CPT1A: variants seen among roughly 807,000 people sequenced by gnomAD.
The protein encoded by CPT1A is carnitine O-palmitoyltransferase 1, liver isoform.
Under a neutral mutation model 100.8 loss-of-function variants are expected in CPT1A, and 64 were observed. The ratio of observed to expected loss-of-function variants is 0.63; its 90% CI spans 0.52 to 0.78. CPT1A has a LOEUF of 0.78. CPT1A is among the 30% of genes least tolerant of loss of function. CPT1A has a pLI of 0.00. For missense variants in CPT1A, 802 were observed against 1,034.1 expected, an observed-to-expected ratio of 0.78 and a Z score of 3.08; for synonymous variants, 363 against 396.0, an observed-to-expected ratio of 0.92 and a Z score of 0.99.
intron 1 of CPT1A, among the ~76,000 whole-genome samples, chr11:68,836,745 C>A (rs1857018821): frequency 6.6e-6 from 1 of 151,394 alleles, no homozygotes; most frequent in South Asian, 2.1e-4. Flanking sequence ...ACACTCCAGC[C>A]TGGGCAACAG....
At chr11:68,792,254 G>A (rs896096510) in intron 9 of CPT1A, among the ~76,000 whole-genome samples, 3 of 152,054 alleles carry the variant, frequency 2.0e-5, no homozygotes, top group Non-Finnish European at 4.4e-5. Flanking sequence ...GGAGAATGGC[G>A]TGAACTCGGG....
At chr11:68,779,790 T>C (rs1386587745) in intron 12 of CPT1A, among the ~76,000 whole-genome samples, 4 of 78,762 alleles carry the variant, frequency 5.1e-5, no homozygotes, top group Admixed American at 3.4e-4. Flanking sequence ...AGTAAGACCC[T>C]GTCTCAAAAA....
chr11:68,796,927 C>G lies in CPT1A; in HGVS notation c.700G>C (p.Asp234His). 6.2e-7 allele frequency: 1 copy of G among 1,613,870 alleles called. No individual in the cohort carries two copies. The highest frequency in any genetic ancestry group is 8.5e-7 in the Non-Finnish European group (1 of 1,179,904). The change falls in exon 7 of 19, where the codon GAC becomes CAC. Residue 234 changes from aspartate to histidine, a missense_variant. Asp to His is a moderately conservative substitution (Grantham distance 81). This residue lies in a region of CPT1A where 627 missense variants were observed against 799.3 expected (regional missense o/e 0.78). Transcript: ENST00000265641. ...AGGTAGATGTACTCCTCCCACCAGT[C>G]GCTCACCTAGTGGGCGCAAACACCA... ...KSWWATNYVS[D>H]WWEEYIYLRG...
At chr11:68,794,102 T>C (rs1855691482) in intron 8 of CPT1A, among the ~76,000 whole-genome samples, 1 of 152,204 alleles carries the variant, frequency 6.6e-6, no homozygotes. Flanking sequence ...AACAGATGTA[T>C]ATTCATTTAG....
At chr11:68,790,907 T>G (rs1473865517) in intron 9 of CPT1A, among the ~76,000 whole-genome samples, 1 of 152,158 alleles carries the variant, frequency 6.6e-6, no homozygotes, top group Non-Finnish European at 1.5e-5. Context: ...CACTGCAACC[T>G]CCACCTCCCA....
At chr11:68,804,756 CG>C (rs144957765) in intron 4 of CPT1A, among the ~76,000 whole-genome samples, 1 of 152,326 alleles carries the variant, frequency 6.6e-6, no homozygotes, top group African/African-American at 2.4e-5. Flanking sequence ...CCCTTAGTTT[CG>C]GGATGGGCTC....
At chr11:68,760,017 G>C (rs1196707667) in intron 17 of CPT1A, among the ~76,000 whole-genome samples, 1 of 152,074 alleles carries the variant, frequency 6.6e-6, no homozygotes, top group Non-Finnish European at 1.5e-5. Context: ...CTCCAGCCTG[G>C]GTGACAGAGC....
At chr11:68,836,481 GA>G (rs1025789900) in intron 1 of CPT1A, among the ~76,000 whole-genome samples, 2 of 150,928 alleles carry the variant, frequency 1.3e-5, no homozygotes, top group Admixed American at 6.6e-5. Context: ...TCCTGCCTCG[GA>G]AAAAAAAACT....
At chr11:68,836,296 T>C (rs1857008286) in intron 1 of CPT1A, among the ~76,000 whole-genome samples, 1 of 151,964 alleles carries the variant, frequency 6.6e-6, no homozygotes, top group Non-Finnish European at 1.5e-5. Flanking sequence ...GGCAACATAG[T>C]GAGGCCTGTC....
In CPT1A at chr11:68,807,488, A is replaced by G. The variant is rs751979703; in HGVS notation, c.432T>C (p.Ser144=). Residue 144 remains serine, a synonymous_variant, in exon 4 of 19, where the codon AGT becomes AGC. Coordinates refer to ENST00000265641, the MANE Select transcript of CPT1A (RefSeq NM_001876.4). The part of the protein sequence containing the change: ...GWMFTEHGKM[S]RATKIWMGMV... Reference sequence around the variant, plus strand: ...TTACCATCCAGATCTTGGTGGCACGACTCATCTTGCCGTGCTCAGTGAACA... The same window carrying G: ...TTACCATCCAGATCTTGGTGGCACGGCTCATCTTGCCGTGCTCAGTGAACA... The G allele has an allele frequency of 1.7e-5, 28 of 1,613,800 alleles. No homozygotes were observed. The highest frequency in any genetic ancestry group is 2.3e-5 in the Non-Finnish European group (27 of 1,179,962).
chr11:68,818,587 G>C (rs1434622300), intron 1 of CPT1A: 2 of 152,442 alleles, frequency 1.3e-5, no homozygotes, highest in Admixed American at 6.5e-5. Context: ...GGCCAGGCAC[G>C]ATGGCTCATA....
At chr11:68,816,833 TGTGTGTGGTGTGTGC>T (rs918168390) in intron 1 of CPT1A, among the ~76,000 whole-genome samples, 4 of 135,556 alleles carry the variant, frequency 3.0e-5, no homozygotes, top group South Asian at 2.5e-4. Flanking sequence ...GTGTGGTGTA[TGTGTGTGGTGTGTGC>T]GTGTGTGGTG....
At chr11:68,774,054 A>T (rs1429780486) in intron 13 of CPT1A, among the ~76,000 whole-genome samples, 1 of 152,230 alleles carries the variant, frequency 6.6e-6, no homozygotes, top group Non-Finnish European at 1.5e-5. Flanking sequence ...GGGAGAAGTA[A>T]CACAAGACCC....
At chr11:68,761,830 C>T (rs1854628408) in intron 15 of CPT1A, 143 bp from the exon 16 acceptor site, 10 of 969,644 alleles carry the variant, frequency 1.0e-5, no homozygotes, top group East Asian at 2.5e-5. Context: ...AGGGTGGTTT[C>T]GAACTCCTGA....
intron 6 of CPT1A, among the ~76,000 whole-genome samples, chr11:68,797,392 T>C (rs1423814180): frequency 1.3e-5 from 2 of 152,232 alleles, no homozygotes; most frequent in African/African-American, 4.8e-5. Flanking sequence ...AACTATGGGC[T>C]GGCCATGGTG....
At chr11:68,826,121 C>T (rs1469470593) in intron 1 of CPT1A, among the ~76,000 whole-genome samples, 4 of 152,190 alleles carry the variant, frequency 2.6e-5, no homozygotes, top group South Asian at 2.1e-4. Flanking sequence ...GTGGTCAGCA[C>T]GTTTCCTGCC....
At chr11:68,796,266 A>G (rs770808474) in intron 7 of CPT1A, among the ~76,000 whole-genome samples, 1 of 152,148 alleles carries the variant, frequency 6.6e-6, no homozygotes, top group Non-Finnish European at 1.5e-5. Flanking sequence ...CCATAAAAAC[A>G]GCAGGACAGG....
intron 1 of CPT1A, among the ~76,000 whole-genome samples, chr11:68,816,937 G>A (rs1400377612): frequency 7.8e-6 from 1 of 128,124 alleles, no homozygotes; most frequent in Admixed American, 7.8e-5. Flanking sequence ...GTGTGTGTGT[G>A]GGGTGAGTGT....
intron 1 of CPT1A, among the ~76,000 whole-genome samples, chr11:68,828,184 TCCCA>T (rs1485937656): frequency 6.6e-6 from 1 of 152,158 alleles, no homozygotes; most frequent in Non-Finnish European, 1.5e-5. Flanking sequence ...CTTGCTGAAG[TCCCA>T]CCAGCTGCTC....
Sources: allele counts gnomAD v4.1 joint callset (sites outside exome capture counted in the v4.1 genomes callset), GRCh38; gene constraint gnomAD v4.1.1; regional missense constraint gnomAD v4.1.1; transcripts MANE v1.5; gene names NCBI Gene and HGNC (gene_info 2026-07-23, HGNC 2026-07-21).